ROBO2: variants seen among roughly 807,000 people sequenced by gnomAD.
The protein encoded by ROBO2 is roundabout homolog 2.
Under a neutral mutation model 160.8 loss-of-function variants are expected in ROBO2, and 53 were observed. The observed-to-expected ratio is 0.33, with a 90% CI of 0.26 to 0.41. The LOEUF is 0.41. Among genes scored for constraint, ROBO2 ranks in the 10% least tolerant of loss-of-function variants. The pLI is 1.00. For synonymous variants in ROBO2, 664 were observed against 611.7 expected (o/e 1.09, Z -1.26); for missense variants, 1,577 against 1,722.4 (o/e 0.92, Z 1.49).
At chr3:77,176,563 A>C (rs1395911197) in intron 2 of ROBO2, among the ~76,000 whole-genome samples, 2 of 152,046 alleles carry the variant, frequency 1.3e-5, no homozygotes, top group Non-Finnish European at 2.9e-5. Context: ...AGAAGCATAT[A>C]TCATTAGAAA....
At chr3:77,056,665 C>G (rs1229742364) in intron 1 of ROBO2, among the ~76,000 whole-genome samples, 1 of 152,018 alleles carries the variant, frequency 6.6e-6, no homozygotes, top group Non-Finnish European at 1.5e-5. Context: ...AACTCAGACA[C>G]AAGACATACA....
At chr3:76,750,400 CCT>C (rs1378395777) in intron 2 of ROBO2, among the ~76,000 whole-genome samples, 2 of 152,094 alleles carry the variant, frequency 1.3e-5, no homozygotes, top group South Asian at 2.1e-4. Flanking sequence ...ACAGGGATGC[CCT>C]CTCTCACCAC....
intron 2 of ROBO2, among the ~76,000 whole-genome samples, chr3:77,208,713 T>C (rs1399257599): frequency 6.6e-6 from 1 of 152,208 alleles, no homozygotes; most frequent in Admixed American, 6.5e-5. Context: ...ACTGGGTTAT[T>C]TGTGTAATTT....
chr3:75,910,246 A>C (rs531436454), intron 1 of ROBO2, among the ~76,000 whole-genome samples: 1 of 152,176 alleles, frequency 6.6e-6, no homozygotes, highest in Non-Finnish European at 1.5e-5. Flanking sequence ...GACCACATGT[A>C]TGAGAATAGT....
chr3:77,186,876 A>G (rs2081331945), intron 2 of ROBO2, among the ~76,000 whole-genome samples: 1 of 152,016 alleles, frequency 6.6e-6, no homozygotes, highest in Non-Finnish European at 1.5e-5. Flanking sequence ...TATAGATTGA[A>G]CTGGCTTGCT....
intron 2 of ROBO2, among the ~76,000 whole-genome samples, chr3:76,374,729 A>C (rs1260193634): frequency 1.3e-5 from 2 of 152,016 alleles, no homozygotes; most frequent in Admixed American, 1.3e-4. Context: ...TACTCTGGTT[A>C]TAGAAAGCTG....
At chr3:76,078,356 T>C (rs2068710789) in intron 2 of ROBO2, among the ~76,000 whole-genome samples, 1 of 152,178 alleles carries the variant, frequency 6.6e-6, no homozygotes, top group African/African-American at 2.4e-5. Flanking sequence ...AAGCGATTTA[T>C]TTATTTATGT....
intron 2 of ROBO2, among the ~76,000 whole-genome samples, chr3:75,983,733 C>T (rs930613748): frequency 2.6e-5 from 4 of 151,302 alleles, no homozygotes; most frequent in Non-Finnish European, 5.9e-5. Context: ...CTCCAGTCAT[C>T]ACAGGGTAGA....
intron 2 of ROBO2, chr3:77,317,207 C>A: frequency 1.2e-6 from 1 of 835,648 alleles, no homozygotes; most frequent in Non-Finnish European, 2.1e-6. Flanking sequence ...GAAGGCCCAG[C>A]AGTGTGGAAA....
intron 2 of ROBO2, among the ~76,000 whole-genome samples, chr3:76,622,493 G>A (rs1413208609): frequency 2.0e-5 from 3 of 151,898 alleles, no homozygotes; most frequent in African/African-American, 7.3e-5. Flanking sequence ...CTATCTTATT[G>A]TTCTATTTAA....
At chr3:76,764,096 T>C (rs2108414557) in intron 2 of ROBO2, among the ~76,000 whole-genome samples, 1 of 151,816 alleles carries the variant, frequency 6.6e-6, no homozygotes, top group East Asian at 2.0e-4. Flanking sequence ...CACAGTAAAA[T>C]CAGAAGACCA....
chr3:75,934,438 T>C (rs1227365310), intron 1 of ROBO2, among the ~76,000 whole-genome samples: 3 of 152,224 alleles, frequency 2.0e-5, no homozygotes, highest in African/African-American at 7.2e-5. Context: ...AATGTTACTT[T>C]ATGTTTTGGT....
chr3:76,259,637 A>C (rs1236635025), intron 2 of ROBO2, among the ~76,000 whole-genome samples: 2 of 152,246 alleles, frequency 1.3e-5, no homozygotes, highest in South Asian at 4.1e-4. Context: ...CAGTATAGTA[A>C]AGATAATGTC....
rs142894335 is a variant in ROBO2, at chr3:77,084,152, C to T, written c.62-13862C>T. On this transcript the variant is annotated intron_variant, in intron 1 of 25. Coordinates refer to ENST00000461745, the Ensembl canonical transcript of ROBO2. ...TTTTCTGTTATTTATAATGGAAATT[C>T]GTAACAAAAGTAACCAGTAATAATG... is the stretch of plus-strand genomic sequence containing the variant. Among the ~76,000 whole-genome samples the T allele has an allele frequency of 3.6e-4, 55 of 151,856 alleles. 1 individual carries two copies. Among genetic ancestry groups the T allele is most frequent in the African/African-American group, 1.2e-3 (51 of 41,380 alleles).
At chr3:77,299,011 A>G (rs1216743607) in intron 2 of ROBO2, among the ~76,000 whole-genome samples, 2 of 152,178 alleles carry the variant, frequency 1.3e-5, no homozygotes, top group Non-Finnish European at 2.9e-5. Flanking sequence ...AGTCAAGATT[A>G]TTTCATGAAA....
chr3:76,736,330 C>T (rs1420847975), intron 2 of ROBO2, among the ~76,000 whole-genome samples: 5 of 35,074 alleles, frequency 1.4e-4, no homozygotes, highest in African/African-American at 5.4e-4. Flanking sequence ...ATAAAGCCTA[C>T]AAACGTATCA....
intron 2 of ROBO2, among the ~76,000 whole-genome samples, chr3:77,272,626 G>A (rs1580546816): frequency 6.6e-6 from 1 of 152,126 alleles, no homozygotes; most frequent in African/African-American, 2.4e-5. Context: ...AAATTGTTAA[G>A]GATGGGGAAA....
intron 2 of ROBO2, among the ~76,000 whole-genome samples, chr3:76,678,748 T>C (rs1009066330): frequency 6.6e-6 from 1 of 152,132 alleles, no homozygotes; most frequent in Non-Finnish European, 1.5e-5. Flanking sequence ...AAATTTTTGC[T>C]CAGCCGCTAA....
At chr3:77,076,447 G>A (rs965513126) in intron 1 of ROBO2, among the ~76,000 whole-genome samples, 2 of 151,994 alleles carry the variant, frequency 1.3e-5, no homozygotes, top group African/African-American at 4.8e-5. Context: ...TTTTCTTAAA[G>A]TTTGTGTTTT....
Sources: gnomAD v4.1 joint callset for allele counts (sites outside exome capture counted in the v4.1 genomes callset) on GRCh38, gnomAD v4.1.1 for gene constraint, MANE v1.5 for transcripts, NCBI Gene and HGNC (gene_info 2026-07-23, HGNC 2026-07-21) for gene names.